The following CUX1 variants were observed in gnomAD, a reference collection of about 807,000 sequenced individuals.
CUX1 encodes protein CASP.
In CUX1, 31 loss-of-function variants were observed where a neutral mutation model predicts 158.8. That is an observed-to-expected ratio of 0.20 (90% CI 0.15 to 0.26). The LOEUF (loss-of-function observed/expected upper bound fraction) is 0.26. Among genes scored for constraint, CUX1 ranks in the 10% least tolerant of loss-of-function variants. The pLI is 1.00. For missense variants in CUX1, 1,589 were observed against 2,014.6 expected (o/e 0.79, Z 4.04); for synonymous variants, 879 against 862.1 (o/e 1.02, Z -0.34).
intron 1 of CUX1, among the ~76,000 whole-genome samples, chr7:101,885,201 G>A (rs543608219): frequency 2.4e-4 from 36 of 152,324 alleles, no homozygotes; most frequent in Admixed American, 1.0e-3. Context: ...CAGGGCAGGC[G>A]TGCCCTGATT....
chr7:102,014,707 T>A (rs1818397147), intron 2 of CUX1, among the ~76,000 whole-genome samples: 1 of 152,044 alleles, frequency 6.6e-6, no homozygotes, highest in South Asian at 2.1e-4. Flanking sequence ...TAAAATCTAG[T>A]TTCAAAGGTT....
chr7:102,248,231 G>A lies in CUX1; in HGVS notation c.3888-181G>A, dbSNP rs189213863. On this transcript the variant is annotated intron_variant, in intron 23 of 23. Coordinates refer to ENST00000292535, the MANE Select transcript of CUX1 (RefSeq NM_181552.4). This position sits in a 1 kb window ranked among gnomAD's most constrained non-coding sequence, Gnocchi z 5.8. ...GGATGGCTCCTGGCCAGGCCCGGAG[G>A]GGTGGGTGGTGACTCTGGAGAGGGG... Among the ~76,000 whole-genome samples the A allele has an allele frequency of 3.8e-3, 586 of 152,310 alleles. 3 individuals carry two copies. Among genetic ancestry groups the A allele is most frequent in the South Asian group, 9.1e-3 (44 of 4,830 alleles).
intron 1 of CUX1, among the ~76,000 whole-genome samples, chr7:101,827,189 CT>C (rs374303380): frequency 2.0e-4 from 30 of 152,136 alleles, no homozygotes; most frequent in African/African-American, 7.0e-4. Context: ...GCTGTTCCCC[CT>C]ACCCCACCTG....
chr7:101,875,770 C>T (rs1013774111), intron 1 of CUX1, among the ~76,000 whole-genome samples: 20 of 152,150 alleles, frequency 1.3e-4, no homozygotes, highest in African/African-American at 4.6e-4. Flanking sequence ...CTTTCATCCT[C>T]TATTACGTAG....
chr7:102,200,991 C>T (rs1352175758), intron 17 of CUX1, among the ~76,000 whole-genome samples: 3 of 136,080 alleles, frequency 2.2e-5, no homozygotes, highest in Admixed American at 8.0e-5. Flanking sequence ...CGTGCCACTG[C>T]GCTCCAGCCT....
intron 2 of CUX1, among the ~76,000 whole-genome samples, chr7:101,985,148 C>CT (rs1814116669): frequency 6.6e-6 from 1 of 152,196 alleles, no homozygotes; most frequent in Non-Finnish European, 1.5e-5. Context: ...AATTTGCCCT[C>CT]TGAGGATTGT....
intron 8 of CUX1, among the ~76,000 whole-genome samples, chr7:102,144,834 T>A (rs1834857744): frequency 6.6e-6 from 1 of 152,104 alleles, no homozygotes; most frequent in Admixed American, 6.5e-5. Context: ...ACGTCTGTAA[T>A]CCCAGCACTT....
rs181898132 is a variant in CUX1, at chr7:102,096,214, A to G, written c.269-1150A>G. On this transcript the variant is annotated intron_variant, in intron 4 of 23. Transcript: ENST00000292535. ...TGGCCAGCTGGTCTACGACAGGGCC[A>G]TGCCGGGTCACCAGCTGTGCCTCTG... Among the ~76,000 whole-genome samples the G allele has an allele frequency of 2.4e-3, 368 of 152,330 alleles. 6 individuals are homozygous for G. The highest frequency in any genetic ancestry group is 0.022 in the Admixed American group (341 of 15,300).
At position 101,894,607 on chromosome 7, in the gene CUX1, C is replaced by T. The variant is rs1260507562; in HGVS notation, c.31-21508C>T. Among the ~76,000 whole-genome samples, 9 of 152,204 alleles carry T rather than the reference C, an allele frequency of 5.9e-5. No individual in the cohort carries two copies. The South Asian group carries it at 1.4e-3, about 24-fold the overall frequency. ...GATTACAGGCGTGAGCCCCTGCGCC[C>T]GGCCTATGGCGCAGGTTTTAAAGAG... On this transcript the variant is annotated intron_variant, in intron 1 of 23. Coordinates refer to ENST00000292535, the MANE Select transcript of CUX1 (RefSeq NM_181552.4).
intron 3 of CUX1, among the ~76,000 whole-genome samples, chr7:102,031,656 A>C (rs1820801295): frequency 6.6e-6 from 1 of 152,144 alleles, no homozygotes; most frequent in Non-Finnish European, 1.5e-5. Context: ...TTTATAAATA[A>C]ATTTTATTAT....
intron 21 of CUX1, among the ~76,000 whole-genome samples, chr7:102,233,453 A>G (rs1799205328): frequency 6.6e-6 from 1 of 151,954 alleles, no homozygotes; most frequent in Non-Finnish European, 1.5e-5. Context: ...CAGCCTCCCA[A>G]AGGGCCCTTC....
At chr7:101,943,161 C>T (rs144479682) in intron 2 of CUX1, among the ~76,000 whole-genome samples, 18 of 141,864 alleles carry the variant, frequency 1.3e-4, no homozygotes, top group African/African-American at 4.5e-4. Flanking sequence ...GGCTGGAGTG[C>T]TGTGGTGCAA....
intron 1 of CUX1, among the ~76,000 whole-genome samples, chr7:101,877,704 A>T (rs1170467536): frequency 6.7e-6 from 1 of 150,356 alleles, no homozygotes; most frequent in Non-Finnish European, 1.5e-5. Flanking sequence ...AATAAATAAA[A>T]ATTAACAGTG....
intron 14 of CUX1, among the ~76,000 whole-genome samples, chr7:102,269,465 GTGC>G (rs1791052332): frequency 6.6e-6 from 1 of 151,230 alleles, no homozygotes; most frequent in Non-Finnish European, 1.5e-5. Context: ...GAGTACAATG[GTGC>G]CATCTCAGCT....
chr7:101,978,090 G>C (rs887010119), intron 2 of CUX1, among the ~76,000 whole-genome samples: 15 of 151,958 alleles, frequency 9.9e-5, no homozygotes, highest in African/African-American at 3.6e-4. Context: ...AAGTCTCGGG[G>C]ACCTGCCCTT....
intron 21 of CUX1, chr7:102,281,941 GC>G: frequency 6.4e-7 from 1 of 1,552,416 alleles, no homozygotes; most frequent in Non-Finnish European, 8.9e-7. Context: ...ACACGGGCGG[GC>G]CAGAGGCACA....
chr7:102,097,330 C>A lies in CUX1; in HGVS notation c.269-34C>A, dbSNP rs1734879. The A allele has an allele frequency of 0.56, 890,801 of 1,582,300 alleles. 261,486 individuals are homozygous for A. The highest frequency in any genetic ancestry group is 0.8 in the African/African-American group (58,413 of 73,106). ...CCGTGGAGGGGGCCTGTTTGCTGGC[C>A]GAGTGGGGTGATGGCTGTTTTCCTG... On this transcript the variant is annotated intron_variant, in intron 4 of 23. Coordinates refer to ENST00000292535, the MANE Select transcript of CUX1 (RefSeq NM_181552.4).
intron 2 of CUX1, among the ~76,000 whole-genome samples, chr7:101,944,902 G>A (rs978877305): frequency 3.0e-4 from 46 of 152,336 alleles, no homozygotes; most frequent in African/African-American, 1.1e-3. Flanking sequence ...GGTATGAAAT[G>A]AGAGGGCCTC....
chr7:102,144,495 C>G (rs879955268), intron 8 of CUX1, among the ~76,000 whole-genome samples: 3 of 151,970 alleles, frequency 2.0e-5, no homozygotes, highest in Non-Finnish European at 2.9e-5. Flanking sequence ...TAAGGACTTT[C>G]TTTTTAATAT....
Sources: gnomAD v4.1 joint callset for allele counts (sites outside exome capture counted in the v4.1 genomes callset) on GRCh38, gnomAD v4.1.1 for gene constraint, Gnocchi (gnomAD v3.1) non-coding constraint, MANE v1.5 for transcripts, NCBI Gene and HGNC (gene_info 2026-07-23, HGNC 2026-07-21) for gene names.